Variants in SLC5A6 observed in about 807,000 individuals in gnomAD.
The protein encoded by SLC5A6 is sodium-dependent multivitamin transporter.
Under a neutral mutation model 67.9 loss-of-function variants are expected in SLC5A6, and 31 were observed. The ratio of observed to expected loss-of-function variants is 0.46; its 90% CI spans 0.34 to 0.62. The LOEUF (loss-of-function observed/expected upper bound fraction) is 0.62, where lower values mean the gene tolerates loss of function less well. SLC5A6 is among the 20% of genes least tolerant of loss of function. The pLI is 0.01. For missense variants in SLC5A6, 673 were observed against 812.8 expected (o/e 0.83, Z 2.09); for synonymous variants, 343 against 331.0 (o/e 1.04, Z -0.39).
chr2:27,211,018 C>A (rs1245324126), intron 2 of SLC5A6, among the ~76,000 whole-genome samples: 3 of 152,016 alleles, frequency 2.0e-5, no homozygotes. Context: ...AGCGAGACTC[C>A]GTCTCAAAAT....
chr2:27,201,150 C>A lies in SLC5A6; in HGVS notation c.1649-37G>T, dbSNP rs561998385. On this transcript the variant is annotated intron_variant, in intron 15 of 16. Coordinates refer to ENST00000310574, the MANE Select transcript of SLC5A6 (RefSeq NM_021095.4). ...TGTGCTTCTGAGTCTCTGGGTGGAA[C>A]CATCCACAGCAGCGGGCCCCATGTC... is the stretch of plus-strand genomic sequence containing the variant. The A allele has an allele frequency of 2.1e-5, 32 of 1,505,954 alleles. No homozygotes were observed. The Admixed American group carries it at 2.2e-4, about 11-fold the overall frequency. The allele number at this position is 1,505,954 out of a possible 1,614,324, so 93.3% of individuals were successfully genotyped here.
chr2:27,208,045 T>A (rs1674202131), intron 2 of SLC5A6, among the ~76,000 whole-genome samples: 1 of 151,994 alleles, frequency 6.6e-6, no homozygotes, highest in African/African-American at 2.4e-5. Flanking sequence ...CCTTCTTAGG[T>A]CTCCACCCGA....
chr2:27,204,723 C>A (rs1412662219), intron 8 of SLC5A6, 68 bp downstream of exon 8: 1 of 1,607,800 alleles, frequency 6.2e-7, no homozygotes, highest in Non-Finnish European at 8.5e-7. Context: ...TCCTGCCCCA[C>A]CCCAATTATC....
intron 12 of SLC5A6, among the ~76,000 whole-genome samples, 195 bp downstream of exon 12, chr2:27,202,618 T>C (rs1466008934): frequency 2.0e-5 from 3 of 149,276 alleles, no homozygotes. Flanking sequence ...TCTCTCAGCC[T>C]ACAACATCCC....
rs886435922 is a variant in SLC5A6 at position 27,201,582 on chromosome 2, G to C, written c.1544+84C>G. On this transcript the variant is annotated intron_variant, in intron 14 of 16. Coordinates refer to ENST00000310574, the MANE Select transcript of SLC5A6 (RefSeq NM_021095.4). ...ACCCAACATTTCCCTGGGGCCTCTG[G>C]TGGCCCATCCCTTAGCAAGACCCCT... 1.2e-5 allele frequency: 17 copies of C among 1,442,620 alleles called. No homozygotes were observed. The East Asian group carries it at 3.2e-4, about 27-fold the overall frequency. 89.4% of individuals were successfully genotyped at this position (1,442,620 alleles called of 1,614,324 possible).
Position 27,201,072 on chromosome 2 carries a change from G to C in SLC5A6, c.1690C>G (p.Pro564Ala), listed in dbSNP as rs1471963188. ...GRSLNPATIY[P>A]VLPKLLSLLP... is the part of the protein sequence containing the mutation. ...AGGGACAGGAGCTTTGGCAACACTG[G>C]GTAAATGGTTGCAGGGTTCAGGGAC... The change falls in exon 16 of 17, where the codon CCA becomes GCA. Residue 564 changes from proline to alanine, a missense_variant. Pro to Ala is a conservative substitution (Grantham distance 27). Transcript: ENST00000310574. 6.2e-7 allele frequency: 1 copy of C among 1,613,776 alleles called. No individual in the cohort carries two copies.
chr2:27,201,476 C>A, intron 14 of SLC5A6, 23 bp from the exon 15 acceptor site: 7 of 1,528,106 alleles, frequency 4.6e-6, no homozygotes, highest in Non-Finnish European at 5.4e-6. Context: ...GAGGTGAGAA[C>A]AATTAGCAAT....
upstream of SLC5A6, chr2:27,212,393 CT>C (rs1208317619): frequency 7.7e-6 from 12 of 1,551,070 alleles, no homozygotes; most frequent in Non-Finnish European, 1.0e-5. Flanking sequence ...CCCGGGTAGT[CT>C]TACGACCCTG....
chr2:27,212,118 A>C lies in SLC5A6; in HGVS notation c.-306T>G. ...GAGGGAGTCTGCAGTCGGCTCCGGG[A>C]AGCCGCGCGGCGACGGGGGAGGCCT... On this transcript the variant is annotated 5_prime_UTR_variant, in exon 1 of 17. Coordinates refer to ENST00000310574, the MANE Select transcript of SLC5A6 (RefSeq NM_021095.4). 6.7e-7 allele frequency: 1 copy of C among 1,496,824 alleles called. No homozygotes were observed. The highest frequency in any genetic ancestry group is 8.9e-7 in the Non-Finnish European group (1 of 1,125,892). 92.7% of individuals were successfully genotyped at this position (1,496,824 alleles called of 1,614,324 possible).
At position 27,203,251 on chromosome 2, in the gene SLC5A6, T is replaced by C; in HGVS notation, c.1189A>G (p.Met397Val). 6.2e-7 allele frequency: 1 copy of C among 1,614,134 alleles called. No individual in the cohort carries two copies. Among genetic ancestry groups the C allele is most frequent in the South Asian group, 1.1e-5 (1 of 91,078 alleles). ...ACCCCACCAAGGCCTCTGGAAAGCA[T>C]GATGGCCCGGGCTTCAGAGAACTCA... is the stretch of plus-strand genomic sequence containing the variant. Reference protein sequence around the residue: ...FPEFSEARAIMLSRGLAFGYG... With the variant: ...FPEFSEARAIVLSRGLAFGYG... Residue 397 changes from methionine (M) to valine (V), a missense_variant, in exon 11 of 17, where the codon ATG (methionine) becomes GTG (valine). Transcript: ENST00000310574.
chr2:27,202,504 A>AAAAAG lies in SLC5A6; in HGVS notation c.1275+308_1275+309insCTTTT, dbSNP rs1673729213. Among the ~76,000 whole-genome samples the AAAAAG allele has an allele frequency of 3.4e-4, 2 of 5,940 alleles. 1 individual carries two copies. 3.9% of individuals were successfully genotyped at this position (5,940 alleles called of 152,430 possible). A position where few individuals can be genotyped will look rare whatever the true frequency, so the allele number is the denominator to read the frequency against. ...GAGCAACAGAATGAGACTCTGTCTCAAAAAAAAAAAAAAAAAAAAAAGAAC... is the reference window on the plus strand; with the variant it reads ...GAGCAACAGAATGAGACTCTGTCTCAAAAAGAAAAAAAAAAAAAAAAAAAAAGAAC... On this transcript the variant is annotated intron_variant, in intron 12 of 16. Transcript: ENST00000310574.
chr2:27,207,730 A>T lies in SLC5A6; in HGVS notation c.-80T>A. 2 of 1,370,436 alleles carry T rather than the reference A, an allele frequency of 1.5e-6. No individual in the cohort carries two copies. Among genetic ancestry groups the T allele is most frequent in the Non-Finnish European group, 2.0e-6 (2 of 990,806 alleles). 84.9% of individuals were successfully genotyped at this position (1,370,436 alleles called of 1,614,324 possible). A position where few individuals can be genotyped will look rare whatever the true frequency, so the allele number is the denominator to read the frequency against. On this transcript the variant is annotated 5_prime_UTR_variant, in exon 3 of 17. In the 5' UTR this introduces an upstream ATG that the reference lacks. Coordinates refer to ENST00000310574, the MANE Select transcript of SLC5A6 (RefSeq NM_021095.4). This position sits in a 1 kb window ranked among gnomAD's most constrained non-coding sequence, Gnocchi z 5.5. ...GGGCAGGGGCGGATGTGTGGCTACAATCTGGCTTCCAGCCACAGTCTCACA... is the reference window on the plus strand; with the variant it reads ...GGGCAGGGGCGGATGTGTGGCTACATTCTGGCTTCCAGCCACAGTCTCACA...
In SLC5A6 at chr2:27,202,040, G is replaced by A. The variant is rs763611646; in HGVS notation, c.1310C>T (p.Pro437Leu). 5.0e-6 allele frequency: 8 copies of A among 1,613,954 alleles called. No individual in the cohort carries two copies. The highest frequency in any genetic ancestry group is 6.8e-6 in the Non-Finnish European group (8 of 1,179,946). ...TCCAAGGCAGAAGAGTCCCAGCAGC[G>A]GTCCCCCAACCATGCCAAAGATGCT... ...AISIFGMVGGPLLGLFCLGMF... is the reference protein window; with the variant it reads ...AISIFGMVGGLLLGLFCLGMF... The change falls in exon 13 of 17, where the codon CCG (proline) becomes CTG (leucine). Residue 437 changes from proline (P) to leucine (L), a missense_variant. Pro to Leu is a moderately conservative substitution (Grantham distance 98, BLOSUM62 -3). Coordinates refer to ENST00000310574, the MANE Select transcript of SLC5A6 (RefSeq NM_021095.4).
At chr2:27,212,336 C>T (rs1674605020), upstream of SLC5A6, 2 of 1,549,266 alleles carry the variant, frequency 1.3e-6, no homozygotes, top group Non-Finnish European at 1.7e-6. Flanking sequence ...GGGGCCGGGT[C>T]GCGCGAGCAG....
At chr2:27,208,816 C>T (rs1358743811) in intron 2 of SLC5A6, 1 of 152,524 alleles carries the variant, frequency 6.6e-6, no homozygotes, top group Non-Finnish European at 1.5e-5. Flanking sequence ...CCAACTCAGC[C>T]CTAGAGGCTC....
chr2:27,201,430 T>A lies in SLC5A6; in HGVS notation c.1568A>T (p.Tyr523Phe). 1 of 1,612,960 alleles carries A rather than the reference T, an allele frequency of 6.2e-7. No homozygotes were observed. Among genetic ancestry groups the A allele is most frequent in the Non-Finnish European group, 8.5e-7 (1 of 1,179,014 alleles). ...ACTGTACCATAAGTAAGACAAGGAA[T>A]AGAACCGCTGCAGCCCTGTGGGCCT... ...FSKPTGLQRF[Y>F]SLSYLWYSAH... The change falls in exon 15 of 17, where the codon TAT becomes TTT. Residue 523 changes from tyrosine to phenylalanine, a missense_variant. Transcript: ENST00000310574.
At chr2:27,201,178 C>T in intron 15 of SLC5A6, 65 bp from the exon 16 acceptor site, 1 of 1,281,758 alleles carries the variant, frequency 7.8e-7, no homozygotes, top group Non-Finnish European at 1.1e-6. Context: ...CCCATGTCCT[C>T]CCTTGGCCCC....
chr2:27,201,529 G>T, intron 14 of SLC5A6, 76 bp from the exon 15 acceptor site: 1 of 1,348,640 alleles, frequency 7.4e-7, no homozygotes, highest in Admixed American at 1.8e-5. Context: ...CTACTTGCCC[G>T]CATGGTCCCA....
chr2:27,206,069 G>A lies in SLC5A6; in HGVS notation c.536C>T (p.Ser179Phe). Residue 179 changes from serine to phenylalanine, a missense_variant, in exon 6 of 17, where the codon TCC becomes TTC. Coordinates refer to ENST00000310574, the MANE Select transcript of SLC5A6 (RefSeq NM_021095.4). ...ACAGACAATGCCCAGGGCCAGCACGGACAGCCACAGATCAAAGCCAGTCAC... is the reference window on the plus strand; with the variant it reads ...ACAGACAATGCCCAGGGCCAGCACGAACAGCCACAGATCAAAGCCAGTCAC... Reference protein sequence around the residue: ...NAVTGFDLWLSVLALGIVCTV... With the variant: ...NAVTGFDLWLFVLALGIVCTV... 6.2e-7 allele frequency: 1 copy of A among 1,614,068 alleles called. No individual in the cohort carries two copies. Among genetic ancestry groups the A allele is most frequent in the Non-Finnish European group, 8.5e-7 (1 of 1,179,964 alleles).
Sources: gnomAD v4.1 joint callset for allele counts (sites outside exome capture counted in the v4.1 genomes callset) on GRCh38, gnomAD v4.1.1 for gene constraint, Gnocchi (gnomAD v3.1) non-coding constraint, MANE v1.5 for transcripts, NCBI Gene and HGNC (gene_info 2026-07-23, HGNC 2026-07-21) for gene names.